The following TRPC6 variants were observed in gnomAD, a reference collection of about 807,000 sequenced individuals.
TRPC6 encodes transient receptor potential cation channel subfamily C member 6, also known as short transient receptor potential channel 6.
TRPC6 carries 55 observed loss-of-function variants against 90.7 expected under a neutral mutation model. The observed-to-expected ratio is 0.61, with a 90% CI of 0.49 to 0.76. The LOEUF is 0.76. Ranked by LOEUF, TRPC6 falls within the 30% of genes least tolerant of loss-of-function variation. The pLI is 0.00. For synonymous variants in TRPC6, 393 were observed against 393.0 expected (o/e 1.00, Z 0.00); for missense variants, 989 against 1,122.7 (o/e 0.88, Z 1.70).
At chr11:101,490,426 A>G (rs1859778249) in intron 3 of TRPC6, among the ~76,000 whole-genome samples, 1 of 152,166 alleles carries the variant, frequency 6.6e-6, no homozygotes, top group Non-Finnish European at 1.5e-5. Flanking sequence ...TATTGGAAAA[A>G]TCTACCTTTA....
intron 10 of TRPC6, 154 bp from the exon 11 acceptor site, chr11:101,455,255 G>T (rs918871169): frequency 4.7e-6 from 3 of 640,128 alleles, no homozygotes; most frequent in Non-Finnish European, 8.1e-6. Flanking sequence ...TGTCTTCCAA[G>T]ACAAATCAGT....
At chr11:101,501,629 G>A (rs989552555) in intron 2 of TRPC6, among the ~76,000 whole-genome samples, 29 of 152,080 alleles carry the variant, frequency 1.9e-4, no homozygotes, top group African/African-American at 7.0e-4. Flanking sequence ...GCTCACCCTT[G>A]TATGGCAGTT....
chr11:101,488,007 C>T lies in TRPC6; in HGVS notation c.1293+930G>A, dbSNP rs111626998. Among the ~76,000 whole-genome samples, 298 of 152,196 alleles carry T rather than the reference C, an allele frequency of 2.0e-3. 1 individual carries two copies. Among genetic ancestry groups the T allele is most frequent in the Middle Eastern group, 3.4e-3 (1 of 294 alleles). On this transcript the variant is annotated intron_variant, in intron 4 of 12. Coordinates refer to ENST00000344327, the MANE Select transcript of TRPC6 (RefSeq NM_004621.6). ...TGTTTGTGTTTGCGCCCACATATTA[C>T]GAATGTTTGAAAATGAATCATGCCC... is the stretch of plus-strand genomic sequence containing the variant.
chr11:101,470,844 C>G (rs1257456757), intron 9 of TRPC6, among the ~76,000 whole-genome samples: 1 of 131,964 alleles, frequency 7.6e-6, no homozygotes, highest in Non-Finnish European at 1.6e-5. Flanking sequence ...AAGCTGCTGC[C>G]GATTTACTGG....
intron 1 of TRPC6, among the ~76,000 whole-genome samples, chr11:101,553,892 G>C (rs562842276): frequency 6.6e-5 from 10 of 152,048 alleles, no homozygotes; most frequent in African/African-American, 2.4e-4. Context: ...TGAGACAATT[G>C]AAAGAAAAAA....
chr11:101,502,581 G>A (rs1860155863), intron 2 of TRPC6, among the ~76,000 whole-genome samples: 1 of 152,188 alleles, frequency 6.6e-6, no homozygotes, highest in South Asian at 2.1e-4. Flanking sequence ...TATAGATTTT[G>A]AAAATAATTA....
intron 10 of TRPC6, among the ~76,000 whole-genome samples, chr11:101,456,631 T>G (rs1239134985): frequency 6.6e-6 from 1 of 152,170 alleles, no homozygotes; most frequent in Non-Finnish European, 1.5e-5. Flanking sequence ...GCCTCTAATC[T>G]ACAGACTAGA....
chr11:101,504,903 G>GAGACAACA, intron 1 of TRPC6, 105 bp from the exon 2 acceptor site: 1 of 1,317,504 alleles, frequency 7.6e-7, no homozygotes, highest in Non-Finnish European at 1.0e-6. Context: ...ATTAGATGTT[G>GAGACAACA]TCTCATCATC....
chr11:101,493,918 C>T (rs1174236017), intron 2 of TRPC6, among the ~76,000 whole-genome samples: 1 of 152,146 alleles, frequency 6.6e-6, no homozygotes, highest in African/African-American at 2.4e-5. Context: ...AAGTGAATAT[C>T]ATTGCAGTTT....
At chr11:101,472,365 G>C (rs201524375) in intron 7 of TRPC6, 33 bp from the exon 8 acceptor site, 62 of 1,585,312 alleles carry the variant, frequency 3.9e-5, no homozygotes, top group Admixed American at 1.5e-4. Flanking sequence ...AAAGAAATAA[G>C]AAAGTGTATA....
chr11:101,548,470 A>ATC (rs1390081174), intron 1 of TRPC6, among the ~76,000 whole-genome samples: 18 of 74,998 alleles, frequency 2.4e-4, no homozygotes, highest in African/African-American at 9.9e-4. Flanking sequence ...ATATATATAT[A>ATC]TATATATCTC....
Position 101,451,896 on chromosome 11 carries a change from T to G in TRPC6, c.*1059A>C, listed in dbSNP as rs1205469716. ...TAGTTGTTTAAGACACCACTTCACA[T>G]GATCAGTAAGTAACAACAACAACCT... On this transcript the variant is annotated 3_prime_UTR_variant, in exon 13 of 13. Coordinates refer to ENST00000344327, the MANE Select transcript of TRPC6 (RefSeq NM_004621.6). 1 of 152,198 alleles carries G rather than the reference T, an allele frequency of 6.6e-6. No individual in the cohort carries two copies. The highest frequency in any genetic ancestry group is 1.5e-5 in the Non-Finnish European group (1 of 68,032). 9.4% of individuals were successfully genotyped at this position (152,198 alleles called of 1,614,324 possible). A position where few individuals can be genotyped will look rare whatever the true frequency, so the allele number is the denominator to read the frequency against.
At position 101,583,397 on chromosome 11, in the gene TRPC6, G is replaced by C; in HGVS notation, c.107C>G (p.Ser36Trp). Reference protein sequence around the residue: ...NESQDYLLMDSELGEDGCPQA... With the variant: ...NESQDYLLMDWELGEDGCPQA... Reference sequence around the variant, plus strand: ...CGGGCAGCCGTCTTCTCCCAGCTCCGAGTCCATGAGCAGATAGTCCTGGCT... The same window carrying C: ...CGGGCAGCCGTCTTCTCCCAGCTCCCAGTCCATGAGCAGATAGTCCTGGCT... The change falls in exon 1 of 13, where the codon TCG (serine) becomes TGG (tryptophan). Residue 36 changes from serine to tryptophan, a missense_variant. Coordinates refer to ENST00000344327, the MANE Select transcript of TRPC6 (RefSeq NM_004621.6). 1 of 1,588,718 alleles carries C rather than the reference G, an allele frequency of 6.3e-7. No homozygotes were observed. The highest frequency in any genetic ancestry group is 2.3e-5 in the East Asian group (1 of 43,284).
Position 101,452,951 on chromosome 11 carries a change from C to A in TRPC6, c.*4G>T. 1 of 1,613,646 alleles carries A rather than the reference C, an allele frequency of 6.2e-7. No individual in the cohort carries two copies. Among genetic ancestry groups the A allele is most frequent in the Non-Finnish European group, 8.5e-7 (1 of 1,179,680 alleles). On this transcript the variant is annotated 3_prime_UTR_variant, in exon 13 of 13. Coordinates refer to ENST00000344327, the MANE Select transcript of TRPC6 (RefSeq NM_004621.6). The stretch of plus-strand genomic sequence containing the variant: ...AAATATGAATTTCTAAGGAAGTCTT[C>A]GCATTATCTATTGGTTTCCTCTTGA...
chr11:101,452,515 T>A lies in TRPC6; in HGVS notation c.*440A>T, dbSNP rs1858786317. 1 of 180,352 alleles carries A rather than the reference T, an allele frequency of 5.5e-6. No homozygotes were observed. Among genetic ancestry groups the A allele is most frequent in the South Asian group, 1.2e-4 (1 of 8,358 alleles). The allele number at this position is 180,352 out of a possible 1,614,324, so 11.2% of individuals were successfully genotyped here. Reference sequence around the variant, plus strand: ...AGCATTCTAAAGGCCCATGGGCTACTTTTTCCCAAATTTCAGAGCTGGGAG... The same window carrying A: ...AGCATTCTAAAGGCCCATGGGCTACATTTTCCCAAATTTCAGAGCTGGGAG... On this transcript the variant is annotated 3_prime_UTR_variant, in exon 13 of 13. Transcript: ENST00000344327.
At chr11:101,538,494 C>T (rs1861102578) in intron 1 of TRPC6, among the ~76,000 whole-genome samples, 1 of 152,098 alleles carries the variant, frequency 6.6e-6, no homozygotes, top group Non-Finnish European at 1.5e-5. Context: ...TGAATGGTCT[C>T]CCAAAGATGT....
At chr11:101,521,628 T>C (rs1271296649) in intron 1 of TRPC6, among the ~76,000 whole-genome samples, 3 of 152,182 alleles carry the variant, frequency 2.0e-5, no homozygotes, top group African/African-American at 7.2e-5. Context: ...GGTAGATCCA[T>C]TGACAGTTTG....
chr11:101,493,838 T>C (rs1859883229), intron 2 of TRPC6, among the ~76,000 whole-genome samples: 1 of 152,176 alleles, frequency 6.6e-6, no homozygotes, highest in Non-Finnish European at 1.5e-5. Context: ...GGGGTGTCTG[T>C]ATGGAGAACA....
At chr11:101,512,627 T>A (rs565456809) in intron 1 of TRPC6, among the ~76,000 whole-genome samples, 1 of 152,242 alleles carries the variant, frequency 6.6e-6, no homozygotes, top group Non-Finnish European at 1.5e-5. Flanking sequence ...ATGGTGAGAA[T>A]AATTAAGGAC....
Sources: allele counts gnomAD v4.1 joint callset (sites outside exome capture counted in the v4.1 genomes callset), GRCh38; gene constraint gnomAD v4.1.1; transcripts MANE v1.5; gene names NCBI Gene and HGNC (gene_info 2026-07-23, HGNC 2026-07-21).